The following AKAP6 variants were observed in gnomAD, a reference collection of about 807,000 sequenced individuals.
AKAP6 encodes the protein A-kinase anchoring protein 6, also known as A-kinase anchor protein 6.
In AKAP6, 58 loss-of-function variants were observed where a neutral mutation model predicts 188.5. The observed-to-expected ratio is 0.31, with a 90% CI of 0.25 to 0.38. The LOEUF is 0.38. Ranked by LOEUF, AKAP6 falls within the 10% of genes least tolerant of loss-of-function variation. The probability of loss-of-function intolerance (pLI) is 1.00; values close to 1 mark genes in which losing one functional copy is unlikely to be tolerated. For synonymous variants in AKAP6, 989 were observed against 998.6 expected (o/e 0.99, Z 0.18); for missense variants, 2,710 against 2,740.0 (o/e 0.99, Z 0.24).
intron 12 of AKAP6, among the ~76,000 whole-genome samples, chr14:32,808,017 C>A (rs923126764): frequency 6.6e-6 from 1 of 152,212 alleles, no homozygotes; most frequent in Admixed American, 6.5e-5. Flanking sequence ...ATAGAAAAGT[C>A]AACTTTGTCC....
chr14:32,492,228 C>A (rs2145584), intron 2 of AKAP6, among the ~76,000 whole-genome samples: 6 of 151,510 alleles, frequency 4.0e-5, no homozygotes, highest in Non-Finnish European at 7.4e-5. Context: ...CTTTGCCTCA[C>A]CTCCTCTAAT....
At chr14:32,623,880 C>T (rs1886910075) in intron 7 of AKAP6, among the ~76,000 whole-genome samples, 2 of 152,112 alleles carry the variant, frequency 1.3e-5, no homozygotes, top group Non-Finnish European at 2.9e-5. Context: ...ACTGCCCCGA[C>T]TGTGTTAGTC....
chr14:32,614,596 AT>A (rs765087944), intron 7 of AKAP6, among the ~76,000 whole-genome samples: 8 of 152,212 alleles, frequency 5.3e-5, no homozygotes, highest in Non-Finnish European at 1.0e-4. Context: ...GTATCAAATA[AT>A]GTTTATTAAG....
chr14:32,510,457 TA>T (rs1881185147), intron 2 of AKAP6, among the ~76,000 whole-genome samples: 1 of 75,942 alleles, frequency 1.3e-5, no homozygotes, highest in African/African-American at 4.8e-5. Context: ...TATACATATA[TA>T]TGTGTATATA....
chr14:32,397,290 A>C (rs1888910397), intron 1 of AKAP6, among the ~76,000 whole-genome samples: 1 of 152,072 alleles, frequency 6.6e-6, no homozygotes, highest in Non-Finnish European at 1.5e-5. Flanking sequence ...CTAGCTATTC[A>C]TTGGAACAGC....
chr14:32,719,444 G>A (rs981949983), intron 9 of AKAP6, among the ~76,000 whole-genome samples: 3 of 152,188 alleles, frequency 2.0e-5, no homozygotes, highest in South Asian at 2.1e-4. Context: ...AAGTCACCAT[G>A]TTCTGCAGCA....
At chr14:32,478,305 A>G (rs1157470673) in intron 2 of AKAP6, among the ~76,000 whole-genome samples, 1 of 152,232 alleles carries the variant, frequency 6.6e-6, no homozygotes, top group Non-Finnish European at 1.5e-5. Context: ...GGAAGACATC[A>G]TGCCCAGATC....
intron 8 of AKAP6, among the ~76,000 whole-genome samples, chr14:32,691,641 C>T (rs191654303): frequency 6.6e-6 from 1 of 152,116 alleles, no homozygotes; most frequent in Non-Finnish European, 1.5e-5. Context: ...TCACTGCAAC[C>T]TTTGCCTCCT....
chr14:32,586,989 A>T (rs1248500350), intron 5 of AKAP6, among the ~76,000 whole-genome samples: 1 of 152,236 alleles, frequency 6.6e-6, no homozygotes, highest in African/African-American at 2.4e-5. Flanking sequence ...TTACCAGTTT[A>T]TACTCAACAA....
chr14:32,717,135 G>C (rs965301272), intron 9 of AKAP6, among the ~76,000 whole-genome samples: 1 of 150,836 alleles, frequency 6.6e-6, no homozygotes, highest in Admixed American at 6.6e-5. Context: ...AGGATTGATG[G>C]TGCCCAGTGA....
chr14:32,436,382 T>C (rs1890377398), intron 2 of AKAP6, among the ~76,000 whole-genome samples: 1 of 152,164 alleles, frequency 6.6e-6, no homozygotes, highest in Non-Finnish European at 1.5e-5. Flanking sequence ...CTCCCAATCT[T>C]ACCAGTTTCA....
chr14:32,447,562 A>T (rs751905779), intron 2 of AKAP6, among the ~76,000 whole-genome samples: 1 of 152,238 alleles, frequency 6.6e-6, no homozygotes, highest in African/African-American at 2.4e-5. Flanking sequence ...ATTTTTAAAC[A>T]ATAAGAATGA....
At chr14:32,577,878 G>T (rs1884799984) in intron 5 of AKAP6, among the ~76,000 whole-genome samples, 1 of 152,096 alleles carries the variant, frequency 6.6e-6, no homozygotes, top group Admixed American at 6.6e-5. Context: ...ACCTCGTGGG[G>T]TTTTTACTGA....
intron 11 of AKAP6, among the ~76,000 whole-genome samples, chr14:32,743,411 T>C (rs936064441): frequency 1.3e-5 from 2 of 152,188 alleles, no homozygotes; most frequent in Non-Finnish European, 2.9e-5. Context: ...ATTTTGTTAT[T>C]TGTTTCCTCA....
intron 8 of AKAP6, among the ~76,000 whole-genome samples, chr14:32,686,101 T>C (rs943257763): frequency 6.6e-6 from 1 of 152,194 alleles, no homozygotes; most frequent in African/African-American, 2.4e-5. Flanking sequence ...AGAGTACTAT[T>C]CAGCCATAAA....
chr14:32,713,228 C>T (rs1362646360), intron 9 of AKAP6, among the ~76,000 whole-genome samples: 1 of 152,030 alleles, frequency 6.6e-6, no homozygotes, highest in Non-Finnish European at 1.5e-5. Context: ...GTAAACTGTG[C>T]TGTAAACAGA....
chr14:32,678,528 G>A, intron 8 of AKAP6, 69 bp downstream of exon 8: 1 of 1,568,274 alleles, frequency 6.4e-7, no homozygotes, highest in African/African-American at 1.3e-5. Flanking sequence ...CCACTGGTAG[G>A]TGTTAGGAAG....
intron 12 of AKAP6, among the ~76,000 whole-genome samples, chr14:32,810,255 T>A (rs1304861676): frequency 3.4e-5 from 1 of 29,118 alleles, no homozygotes; most frequent in South Asian, 7.1e-4. Context: ...CTAATGCTCG[T>A]TTTTTTTTTT....
chr14:32,763,565 T>C (rs543396491), intron 11 of AKAP6, among the ~76,000 whole-genome samples: 6 of 152,158 alleles, frequency 3.9e-5, no homozygotes, highest in Admixed American at 6.5e-5. Flanking sequence ...GACTCTCATC[T>C]ATTTTATTAT....
Sources: gnomAD v4.1 joint callset for allele counts (sites outside exome capture counted in the v4.1 genomes callset) on GRCh38, gnomAD v4.1.1 for gene constraint, MANE v1.5 for transcripts, NCBI Gene and HGNC (gene_info 2026-07-23, HGNC 2026-07-21) for gene names.